Variants in RBPJ observed in about 807,000 individuals in gnomAD.
RBPJ encodes recombination signal binding protein for immunoglobulin kappa J region.
A neutral mutation model predicts 67.8 loss-of-function variants in RBPJ; 9 were observed. The ratio of observed to expected loss-of-function variants is 0.13; its 90% CI spans 0.08 to 0.23. The LOEUF (loss-of-function observed/expected upper bound fraction) is 0.23. Ranked by LOEUF, RBPJ falls within the 10% of genes least tolerant of loss-of-function variation. The pLI, the probability that RBPJ is intolerant of heterozygous loss-of-function variation, is 1.00. For synonymous variants in RBPJ, 198 were observed against 203.3 expected, an observed-to-expected ratio of 0.97 and a Z score of 0.22; for missense variants, 305 against 595.6, an observed-to-expected ratio of 0.51 and a Z score of 5.08.
intron 1 of RBPJ, among the ~76,000 whole-genome samples, chr4:26,368,393 T>G (rs1728828711): frequency 6.6e-6 from 1 of 152,158 alleles, no homozygotes; most frequent in Non-Finnish European, 1.5e-5. Flanking sequence ...AGAGGATTGC[T>G]TTTTTTCCCC....
chr4:26,261,259 A>G (rs1720522530), intron 1 of RBPJ, among the ~76,000 whole-genome samples: 1 of 152,132 alleles, frequency 6.6e-6, no homozygotes, highest in African/African-American at 2.4e-5. Flanking sequence ...AAAAGAAAGA[A>G]TGAGAAGGAA....
chr4:26,400,017 A>T (rs190180765), intron 2 of RBPJ, among the ~76,000 whole-genome samples: 2 of 152,364 alleles, frequency 1.3e-5, no homozygotes, highest in Admixed American at 1.3e-4. Context: ...ATTAAATGAA[A>T]TTAGTAAACA....
chr4:26,312,135 A>ATT (rs199753046), intron 1 of RBPJ, among the ~76,000 whole-genome samples: 4 of 147,484 alleles, frequency 2.7e-5, no homozygotes, highest in Admixed American at 1.4e-4. Flanking sequence ...ATTTTATTTT[A>ATT]TTTTATTTTT....
chr4:26,402,998 C>T (rs11737637), intron 2 of RBPJ, among the ~76,000 whole-genome samples: 9 of 151,962 alleles, frequency 5.9e-5, no homozygotes, highest in South Asian at 2.1e-4. Context: ...CTTCTGTTAC[C>T]GTCTTCTTAG....
chr4:26,362,463 C>A, intron 1 of RBPJ: 1 of 1,453,356 alleles, frequency 6.9e-7, no homozygotes. Flanking sequence ...AATTATGAGA[C>A]TATCATTCAA....
At chr4:26,332,266 A>C (rs1724344555) in intron 1 of RBPJ, among the ~76,000 whole-genome samples, 1 of 152,090 alleles carries the variant, frequency 6.6e-6, no homozygotes, top group African/African-American at 2.4e-5. Context: ...ATTATTGGTA[A>C]GTAAGCCATT....
intron 5 of RBPJ, 124 bp downstream of exon 5, chr4:26,420,849 C>A: frequency 1.4e-6 from 1 of 721,368 alleles, no homozygotes; most frequent in Non-Finnish European, 2.2e-6. Flanking sequence ...TTGTGGCCCT[C>A]TTTATTGTCT....
At chr4:26,303,698 C>G (rs888448608) in intron 1 of RBPJ, among the ~76,000 whole-genome samples, 2 of 151,358 alleles carry the variant, frequency 1.3e-5, no homozygotes, top group Non-Finnish European at 2.9e-5. Flanking sequence ...AATTCCAGCA[C>G]TTTGGGAGGC....
chr4:26,140,460 C>T, the RBPJ span, among the ~76,000 whole-genome samples: 2 of 152,182 alleles, frequency 1.3e-5, no homozygotes, highest in African/African-American at 2.4e-5. Flanking sequence ...CACTCTCCCC[C>T]AACTTGGCTC....
chr4:26,255,619 G>A (rs6829257), intron 1 of RBPJ, among the ~76,000 whole-genome samples: 45,449 of 148,372 alleles, frequency 0.31, 8,487 homozygotes, highest in African/African-American at 0.53. Flanking sequence ...TGGCTAACAC[G>A]GTGAAACCCC....
At chr4:26,139,696 C>T in the RBPJ span, among the ~76,000 whole-genome samples, 4 of 152,140 alleles carry the variant, frequency 2.6e-5, no homozygotes, top group Non-Finnish European at 4.4e-5. Flanking sequence ...GCCACAGGGG[C>T]CTCTGTTTTC....
At chr4:26,180,365 C>T (rs533388645) in intron 1 of RBPJ, among the ~76,000 whole-genome samples, 1 of 151,780 alleles carries the variant, frequency 6.6e-6, no homozygotes, top group East Asian at 1.9e-4. Context: ...GTAGGAGACC[C>T]TGAGGGCTTC....
intron 1 of RBPJ, among the ~76,000 whole-genome samples, chr4:26,311,743 G>C (rs1006026507): frequency 1.3e-5 from 2 of 152,120 alleles, no homozygotes; most frequent in African/African-American, 4.8e-5. Flanking sequence ...GAAAGTCCCA[G>C]AGAAAGGTTA....
intron 1 of RBPJ, among the ~76,000 whole-genome samples, chr4:26,214,696 GGAT>G: frequency 1.4e-5 from 1 of 73,806 alleles, no homozygotes; most frequent in Non-Finnish European, 2.3e-5. Flanking sequence ...GAGGGAGGAA[GGAT>G]GGAAGGAAGG....
In RBPJ at chr4:26,271,241, G is replaced by A. The variant is rs544938970; in HGVS notation, c.-166-91205G>A. ...ATTAAACTTTATCATAGGTATGCAT[G>A]TATAGGAAACATCAGACTATAAGGT... is the stretch of plus-strand genomic sequence containing the variant. On this transcript the variant is annotated intron_variant, in intron 1 of 4. Transcript: ENST00000512351. Among the ~76,000 whole-genome samples the A allele has an allele frequency of 2.5e-3, 387 of 152,280 alleles. 1 individual carries two copies. Among genetic ancestry groups the A allele is most frequent in the Non-Finnish European group, 4.1e-3 (278 of 68,028 alleles).
intron 2 of RBPJ, among the ~76,000 whole-genome samples, chr4:26,399,870 G>A (rs995745157): frequency 6.6e-6 from 1 of 151,814 alleles, no homozygotes; most frequent in Admixed American, 6.6e-5. Context: ...GTAGAGATGG[G>A]GTTTCACTAT....
chr4:26,394,250 A>G (rs1731867771), intron 2 of RBPJ, among the ~76,000 whole-genome samples: 1 of 151,846 alleles, frequency 6.6e-6, no homozygotes, highest in African/African-American at 2.4e-5. Flanking sequence ...GATGGTCTTG[A>G]TCTCCTGACC....
At chr4:26,426,485 A>G (rs1735682005) in intron 7 of RBPJ, among the ~76,000 whole-genome samples, 1 of 152,244 alleles carries the variant, frequency 6.6e-6, no homozygotes, top group African/African-American at 2.4e-5. Flanking sequence ...TACCATTATT[A>G]AGACGCTGAT....
At chr4:26,293,231 C>T (rs761756881) in intron 1 of RBPJ, among the ~76,000 whole-genome samples, 1 of 150,534 alleles carries the variant, frequency 6.6e-6, no homozygotes, top group Non-Finnish European at 1.5e-5. Context: ...GGCCTCAGGG[C>T]TTTGCTAGGT....
Sources: allele counts gnomAD v4.1 joint callset (sites outside exome capture counted in the v4.1 genomes callset), GRCh38; gene constraint gnomAD v4.1.1; transcripts MANE v1.5; gene names NCBI Gene and HGNC (gene_info 2026-07-23, HGNC 2026-07-21).